Variants in SLC9C1 observed in about 807,000 individuals in gnomAD.
SLC9C1 encodes the protein sodium/hydrogen exchanger 10.
Under a neutral mutation model 140.9 loss-of-function variants are expected in SLC9C1, and 97 were observed. That is an observed-to-expected ratio of 0.69 (90% CI 0.58 to 0.82). SLC9C1 has a LOEUF of 0.82. SLC9C1 is among the 40% of genes least tolerant of loss of function. SLC9C1 has a pLI of 0.00. For synonymous variants in SLC9C1, 440 were observed against 442.6 expected (o/e 0.99, Z 0.07); for missense variants, 1,340 against 1,389.3 (o/e 0.96, Z 0.56).
chr3:112,226,828 GT>G (rs2078696283), intron 13 of SLC9C1, among the ~76,000 whole-genome samples: 1 of 151,660 alleles, frequency 6.6e-6, no homozygotes, highest in Non-Finnish European at 1.5e-5. Flanking sequence ...AAGGAAAGAA[GT>G]AATAAAAATC....
chr3:112,245,178 A>C (rs1329999010), intron 10 of SLC9C1, among the ~76,000 whole-genome samples: 3 of 152,352 alleles, frequency 2.0e-5, no homozygotes, highest in South Asian at 4.1e-4. Context: ...ATTAAATAGC[A>C]TATGACATGT....
At chr3:112,189,475 A>G (rs2077606579) in intron 20 of SLC9C1, among the ~76,000 whole-genome samples, 1 of 152,204 alleles carries the variant, frequency 6.6e-6, no homozygotes, top group Admixed American at 6.5e-5. Context: ...AGCACCATTT[A>G]TTAAATAGGG....
chr3:112,252,445 G>C (rs1320821540), intron 10 of SLC9C1, among the ~76,000 whole-genome samples: 1 of 152,078 alleles, frequency 6.6e-6, no homozygotes, highest in African/African-American at 2.4e-5. Context: ...CTTAAGCATG[G>C]TGGCCTTTAG....
Position 112,240,000 on chromosome 3 carries a change from C to T in SLC9C1, c.1286G>A (p.Arg429His), listed in dbSNP as rs374694708. 5.1e-5 allele frequency: 82 copies of T among 1,609,720 alleles called. 1 individual carries two copies. The highest frequency in any genetic ancestry group is 5.1e-4 in the African/African-American group (38 of 74,818). Residue 429 changes from arginine to histidine, a missense_variant, in exon 12 of 29, where the codon CGT (arginine) becomes CAT (histidine). By Grantham distance (29) the Arg-to-His change is conservative. Coordinates refer to ENST00000305815, the MANE Select transcript of SLC9C1 (RefSeq NM_183061.3). ...TTTATATTTTGTTGATGTGGCATCA[C>T]GAAGACCTTTGATACAAACACACAT... is the stretch of plus-strand genomic sequence containing the variant. ...LPVAVTILGL[R>H]DATSTKYKSV...
intron 28 of SLC9C1, among the ~76,000 whole-genome samples, chr3:112,147,047 T>C (rs1416680719): frequency 6.6e-6 from 1 of 152,206 alleles, no homozygotes; most frequent in Non-Finnish European, 1.5e-5. Flanking sequence ...TATCATTACA[T>C]AATGCATTTC....
rs763233742 is a variant in SLC9C1, at chr3:112,168,863, C to T, written c.3237+14G>A. 1.3e-6 allele frequency: 2 copies of T among 1,560,374 alleles called. No individual in the cohort carries two copies. Among genetic ancestry groups the T allele is most frequent in the East Asian group, 2.3e-5 (1 of 44,330 alleles). On this transcript the variant is annotated intron_variant, in intron 25 of 28. Coordinates refer to ENST00000305815, the MANE Select transcript of SLC9C1 (RefSeq NM_183061.3). ...GGCATATTGATCTGAAGACAGGAAT[C>T]AATATTTCTTTACCTGATGGCATGT...
At chr3:112,240,885 A>T (rs1002661819) in intron 11 of SLC9C1, among the ~76,000 whole-genome samples, 1 of 152,180 alleles carries the variant, frequency 6.6e-6, no homozygotes, top group Non-Finnish European at 1.5e-5. Flanking sequence ...AAAGACAAAC[A>T]TCACATATTC....
At chr3:112,243,938 C>G in intron 11 of SLC9C1, 57 bp downstream of exon 11, 6 of 1,215,300 alleles carry the variant, frequency 4.9e-6, no homozygotes, top group Non-Finnish European at 7.0e-6. Flanking sequence ...ATTAGCACTT[C>G]TTTACCATAC....
At chr3:112,157,233 A>G (rs1045935753) in intron 26 of SLC9C1, among the ~76,000 whole-genome samples, 5 of 152,150 alleles carry the variant, frequency 3.3e-5, no homozygotes, top group Admixed American at 6.6e-5. Flanking sequence ...ATTCTTCTGC[A>G]TATGGATGTC....
chr3:112,147,461 C>T (rs1425119322), intron 28 of SLC9C1: 2 of 378,756 alleles, frequency 5.3e-6, no homozygotes, highest in African/African-American at 2.2e-5. Flanking sequence ...TCTTAACAGT[C>T]TCTTGTAAGG....
intron 6 of SLC9C1, among the ~76,000 whole-genome samples, chr3:112,273,204 A>C (rs2080122827): frequency 6.6e-6 from 1 of 151,940 alleles, no homozygotes; most frequent in South Asian, 2.1e-4. Flanking sequence ...TGCTCACCTT[A>C]GTCAACTTCA....
At chr3:112,169,096 A>C in intron 24 of SLC9C1, 34 bp from the exon 25 acceptor site, 6 of 1,572,192 alleles carry the variant, frequency 3.8e-6, no homozygotes, top group Non-Finnish European at 5.2e-6. Context: ...GTCTATTATT[A>C]GTCTATGAAG....
At chr3:112,159,110 A>G (rs1428800770) in intron 26 of SLC9C1, among the ~76,000 whole-genome samples, 1 of 150,000 alleles carries the variant, frequency 6.7e-6, no homozygotes, top group Non-Finnish European at 1.5e-5. Flanking sequence ...AAGAGTTTCT[A>G]TTTTGGGGGT....
chr3:112,169,078 C>A lies in SLC9C1; in HGVS notation c.3052-16G>T, dbSNP rs752494083. ...AGTTCCAATCCTGTTTTAGAAAACACAATTTCAGTCTATTATTAGTCTATG... is the reference window on the plus strand; with the variant it reads ...AGTTCCAATCCTGTTTTAGAAAACAAAATTTCAGTCTATTATTAGTCTATG... On this transcript the variant is annotated splice_polypyrimidine_tract_variant and intron_variant, in intron 24 of 28. Transcript: ENST00000305815. The A allele has an allele frequency of 6.3e-6, 10 of 1,575,836 alleles. No homozygotes were observed. The highest frequency in any genetic ancestry group is 8.6e-6 in the Non-Finnish European group (10 of 1,164,724).
intron 6 of SLC9C1, 75 bp from the exon 7 acceptor site, chr3:112,270,152 T>A (rs1265674330): frequency 3.6e-6 from 5 of 1,398,256 alleles, no homozygotes; most frequent in Non-Finnish European, 3.8e-6. Context: ...CCTTGTTAAT[T>A]TTCCTTTTTG....
intron 20 of SLC9C1, chr3:112,185,855 G>C: frequency 6.3e-7 from 1 of 1,589,446 alleles, no homozygotes; most frequent in Non-Finnish European, 8.5e-7. Flanking sequence ...CCGGGACTGC[G>C]CGGCACAGCT....
intron 13 of SLC9C1, among the ~76,000 whole-genome samples, chr3:112,230,845 C>T (rs1342759148): frequency 2.6e-5 from 4 of 152,148 alleles, no homozygotes; most frequent in Non-Finnish European, 4.4e-5. Context: ...TGCTGTGCTA[C>T]AGCATTTCTC....
chr3:112,164,281 T>C (rs2075397696), intron 26 of SLC9C1, among the ~76,000 whole-genome samples: 1 of 150,032 alleles, frequency 6.7e-6, no homozygotes, highest in Non-Finnish European at 1.5e-5. Context: ...CATTTAAAGT[T>C]AATATTGTTT....
At position 112,200,756 on chromosome 3, in the gene SLC9C1, A is replaced by G; in HGVS notation, c.2329T>C (p.Leu777=). The change falls in exon 19 of 29, where the codon TTA becomes CTA. Residue 777 remains leucine, a synonymous_variant. Transcript: ENST00000305815. ...TSSKQIKQML[L]KQVIRNMEHA... is the part of the protein sequence containing the mutation. ...TCCATATTCCTTATCACTTGCTTTA[A>G]TAACATCTAAGGAACAAAAGAAATG... is the stretch of plus-strand genomic sequence containing the variant. 6.2e-7 allele frequency: 1 copy of G among 1,608,608 alleles called. No homozygotes were observed. The highest frequency in any genetic ancestry group is 8.5e-7 in the Non-Finnish European group (1 of 1,177,572).
Sources: gnomAD v4.1 joint callset for allele counts (sites outside exome capture counted in the v4.1 genomes callset) on GRCh38, gnomAD v4.1.1 for gene constraint, MANE v1.5 for transcripts, NCBI Gene and HGNC (gene_info 2026-07-23, HGNC 2026-07-21) for gene names.